The following KLC1 variants were observed in gnomAD, a reference collection of about 807,000 sequenced individuals.
The protein encoded by KLC1 is kinesin 2 60/70kDa.
Under a neutral mutation model 84.2 loss-of-function variants are expected in KLC1, and 30 were observed. That is an observed-to-expected ratio of 0.36 (90% CI 0.27 to 0.48). KLC1 has a LOEUF of 0.48. KLC1 is among the 20% of genes least tolerant of loss of function. The pLI is 0.99. For synonymous variants in KLC1, 289 were observed against 293.3 expected, an observed-to-expected ratio of 0.99 and a Z score of 0.15; for missense variants, 499 against 805.4, an observed-to-expected ratio of 0.62 and a Z score of 4.60.
chr14:103,661,976 C>T (rs553202261), intron 3 of KLC1, 140 bp from the exon 4 acceptor site: 18 of 635,056 alleles, frequency 2.8e-5, no homozygotes, highest in South Asian at 6.2e-5. Context: ...GCCAGATTGT[C>T]GGCGATCCTA....
In KLC1 at chr14:103,657,423, T is replaced by G. The variant is rs1490416858; in HGVS notation, c.262-123T>G. ...AAGTAAATGGCAGATTGTACTTATA[T>G]GTACTTTGGAGAAAATATCTGCGAG... On this transcript the variant is annotated intron_variant, in intron 2 of 16. Transcript: ENST00000334553. The G allele has an allele frequency of 7.3e-6, 5 of 681,350 alleles. No individual in the cohort carries two copies. In the East Asian group the frequency reaches 8.1e-5, roughly 11 times the overall value. 42.2% of individuals were successfully genotyped at this position (681,350 alleles called of 1,614,324 possible).
At position 103,677,539 on chromosome 14, in the gene KLC1, G is replaced by C. The variant is rs2081001222; in HGVS notation, c.1488+16G>C. On this transcript the variant is annotated intron_variant, in intron 12 of 16. Coordinates refer to ENST00000334553, the MANE Select transcript of KLC1 (RefSeq NM_001394837.1). ...TCGTAAACAGGTTAGTCATACTTCT[G>C]TCCTTAACCGGCCCATGGGAACTTT... The C allele has an allele frequency of 6.7e-7, 1 of 1,486,894 alleles. No homozygotes were observed. Among genetic ancestry groups the C allele is most frequent in the Non-Finnish European group, 9.4e-7 (1 of 1,066,570 alleles). The allele number at this position is 1,486,894 out of a possible 1,614,324, so 92.1% of individuals were successfully genotyped here. A position where few individuals can be genotyped will look rare whatever the true frequency, so the allele number is the denominator to read the frequency against.
At chr14:103,677,685 G>A (rs372863714) in intron 12 of KLC1, among the ~76,000 whole-genome samples, 162 bp downstream of exon 12, 3 of 152,158 alleles carry the variant, frequency 2.0e-5, no homozygotes, top group East Asian at 1.9e-4. Flanking sequence ...GAGGCCGGGC[G>A]TGGTGGTTCA....
Position 103,694,157 on chromosome 14 carries a change from C to G in KLC1, c.1848+1732C>G, listed in dbSNP as rs908360128. 3.3e-5 allele frequency: 33 copies of G among 985,870 alleles called. No homozygotes were observed. Among genetic ancestry groups the G allele is most frequent in the Non-Finnish European group, 3.7e-5 (31 of 830,302 alleles). The allele number at this position is 985,870 out of a possible 1,614,324, so 61.1% of individuals were successfully genotyped here. A position where few individuals can be genotyped will look rare whatever the true frequency, so the allele number is the denominator to read the frequency against. ...CTTCCGGGTCTCTCTTTCCAAGGTC[C>G]CCATGCCTGTGGCCCTGGGGCCCCA... On this transcript the variant is annotated intron_variant, in intron 15 of 16. Transcript: ENST00000334553. The surrounding 1 kb of genome is among the most constrained non-coding windows in gnomAD (Gnocchi z 4.5).
rs1595584553 is a variant in KLC1 at position 103,694,295 on chromosome 14, A to G, written c.1848+1870A>G. 1.1e-6 allele frequency: 1 copy of G among 951,344 alleles called. No homozygotes were observed. The allele number at this position is 951,344 out of a possible 1,614,324, so 58.9% of individuals were successfully genotyped here. A position where few individuals can be genotyped will look rare whatever the true frequency, so the allele number is the denominator to read the frequency against. On this transcript the variant is annotated intron_variant, in intron 15 of 16. Coordinates refer to ENST00000334553, the MANE Select transcript of KLC1 (RefSeq NM_001394837.1). The surrounding 1 kb of genome is among the most constrained non-coding windows in gnomAD (Gnocchi z 4.5). ...GAGACGGAGTCTAACTCTGTTGCCC[A>G]GGCTGGAGCGCAGTGGCCCAATCTC... is the stretch of plus-strand genomic sequence containing the variant.
intron 16 of KLC1, among the ~76,000 whole-genome samples, chr14:103,700,972 C>A (rs557443550): frequency 6.6e-6 from 1 of 152,362 alleles, no homozygotes; most frequent in East Asian, 1.9e-4. Context: ...GTCCACACCC[C>A]TGGCTTCCCC....
intron 3 of KLC1, among the ~76,000 whole-genome samples, chr14:103,658,721 G>A (rs1321075449): frequency 1.5e-5 from 2 of 134,486 alleles, no homozygotes; most frequent in African/African-American, 2.8e-5. Context: ...GCAGTGGCAC[G>A]ATCTTGGCTC....
At chr14:103,632,730 T>C (rs1186227110) in intron 1 of KLC1, among the ~76,000 whole-genome samples, 1 of 151,530 alleles carries the variant, frequency 6.6e-6, no homozygotes, top group Non-Finnish European at 1.5e-5. Flanking sequence ...TCAAAAAAAA[T>C]AAAACCAAAA....
At chr14:103,665,893 C>A (rs57970927) in intron 5 of KLC1, among the ~76,000 whole-genome samples, 1 of 151,964 alleles carries the variant, frequency 6.6e-6, no homozygotes, top group African/African-American at 2.4e-5. Context: ...GGCTCTATTC[C>A]GTTGGTGGAG....
At chr14:103,651,754 C>T (rs2078462984) in intron 1 of KLC1, among the ~76,000 whole-genome samples, 1 of 152,116 alleles carries the variant, frequency 6.6e-6, no homozygotes, top group Non-Finnish European at 1.5e-5. Flanking sequence ...ACCTCTGCCT[C>T]AGCTCCCCTT....
chr14:103,655,841 C>A (rs748471658), intron 2 of KLC1, among the ~76,000 whole-genome samples: 23 of 152,208 alleles, frequency 1.5e-4, no homozygotes, highest in Middle Eastern at 3.4e-3. Context: ...GACCTCAGGG[C>A]CTCTCTGAAT....
rs983644285 is a variant in KLC1 at position 103,685,648 on chromosome 14, C to A, written c.1651-1433C>A. On this transcript the variant is annotated intron_variant, in intron 13 of 16. Transcript: ENST00000334553. ...CTTTCTGTCTGACAGGCCTAGCCGC[C>A]CGTGACTCTCACACTGTCTCCTGCA... 6 of 1,289,476 alleles carry A rather than the reference C, an allele frequency of 4.7e-6. No homozygotes were observed. The Admixed American group carries it at 1.1e-4, about 25-fold the overall frequency. 79.9% of individuals were successfully genotyped at this position (1,289,476 alleles called of 1,614,324 possible).
In KLC1 at chr14:103,693,755, A is replaced by G. The variant is rs917423991; in HGVS notation, c.1848+1330A>G. ...AGATAGTGACGTCCACCAACCTTGG[A>G]GGTGCCTTTTCAAAACACCCGGGAG... On this transcript the variant is annotated intron_variant, in intron 15 of 16. Transcript: ENST00000334553. This position sits in a 1 kb window ranked among gnomAD's most constrained non-coding sequence, Gnocchi z 5.1. The G allele has an allele frequency of 7.0e-7, 1 of 1,434,776 alleles. No individual in the cohort carries two copies. Among genetic ancestry groups the G allele is most frequent in the African/African-American group, 1.4e-5 (1 of 69,576 alleles). 88.9% of individuals were successfully genotyped at this position (1,434,776 alleles called of 1,614,324 possible). A position where few individuals can be genotyped will look rare whatever the true frequency, so the allele number is the denominator to read the frequency against.
intron 1 of KLC1, among the ~76,000 whole-genome samples, chr14:103,654,100 C>T (rs1375155327): frequency 6.6e-6 from 1 of 152,202 alleles, no homozygotes; most frequent in Non-Finnish European, 1.5e-5. Flanking sequence ...CCCTGCTGCT[C>T]TTCCTGTTCC....
In KLC1 at chr14:103,675,712, T is replaced by C. The variant is rs749084668; in HGVS notation, c.1335T>C (p.Ser445=). The part of the protein sequence containing the change: ...ECKGKQKDGT[S]FGEYGGWYKA... ...AGGGAAAGCAAAAGGATGGGACATC[T>C]TTTGGAGAGTATGGCGGCTGGTACA... The change falls in exon 11 of 17, where the codon TCT becomes TCC. Residue 445 remains serine, a synonymous_variant. Transcript: ENST00000334553. 2 of 1,613,920 alleles carry C rather than the reference T, an allele frequency of 1.2e-6. No homozygotes were observed. Among genetic ancestry groups the C allele is most frequent in the South Asian group, 2.2e-5 (2 of 91,048 alleles).
chr14:103,675,423 A>G (rs1301320882), intron 9 of KLC1, 129 bp from the exon 10 acceptor site: 84 of 669,498 alleles, frequency 1.3e-4, no homozygotes, highest in Non-Finnish European at 3.6e-5. Context: ...CCATTATTCA[A>G]AGTGCTCCAA....
intron 13 of KLC1, chr14:103,683,072 C>T (rs1024808788): frequency 6.6e-6 from 1 of 152,114 alleles, no homozygotes; most frequent in African/African-American, 2.4e-5. Flanking sequence ...CAGTTTTTCT[C>T]AATATTCATA....
chr14:103,651,940 T>A (rs997717852), intron 1 of KLC1, among the ~76,000 whole-genome samples: 2 of 152,220 alleles, frequency 1.3e-5, no homozygotes, highest in East Asian at 3.8e-4. Flanking sequence ...TCCCTGAGCC[T>A]TCAGGTCTTT....
chr14:103,638,900 GGT>G (rs530816509), intron 1 of KLC1, among the ~76,000 whole-genome samples: 21 of 149,920 alleles, frequency 1.4e-4, no homozygotes, highest in Admixed American at 3.3e-4. Flanking sequence ...TGAGCACAAG[GGT>G]GTGTGTGTGT....
Sources: gnomAD v4.1 joint callset for allele counts (sites outside exome capture counted in the v4.1 genomes callset) on GRCh38, gnomAD v4.1.1 for gene constraint, Gnocchi (gnomAD v3.1) non-coding constraint, MANE v1.5 for transcripts, NCBI Gene and HGNC (gene_info 2026-07-23, HGNC 2026-07-21) for gene names.